MEMO1: variants seen among roughly 807,000 people sequenced by gnomAD.
MEMO1 encodes the protein mediator of cell motility 1, also known as protein MEMO1.
In MEMO1, 6 loss-of-function variants were observed where a neutral mutation model predicts 45.2. The ratio of observed to expected loss-of-function variants is 0.13; its 90% CI spans 0.07 to 0.26. The LOEUF (loss-of-function observed/expected upper bound fraction) is 0.26, where lower values mean the gene tolerates loss of function less well. Ranked by LOEUF, MEMO1 falls within the 10% of genes least tolerant of loss-of-function variation. The pLI is 1.00. For synonymous variants in MEMO1, 78 were observed against 124.3 expected, an observed-to-expected ratio of 0.63 and a Z score of 2.48; for missense variants, 184 against 370.5, an observed-to-expected ratio of 0.50 and a Z score of 4.13.
intron 2 of MEMO1, among the ~76,000 whole-genome samples, chr2:31,960,418 C>T (rs1667881850): frequency 6.6e-6 from 1 of 152,030 alleles, no homozygotes; most frequent in Admixed American, 6.6e-5. Context: ...TCTAAACTAT[C>T]CTGTTTACTG....
At chr2:31,999,236 C>G (rs895013607) in intron 2 of MEMO1, among the ~76,000 whole-genome samples, 2 of 152,142 alleles carry the variant, frequency 1.3e-5, no homozygotes, top group South Asian at 2.1e-4. Context: ...CCTGGTTCTG[C>G]CCTTGCCACT....
intron 9 of MEMO1, among the ~76,000 whole-genome samples, chr2:31,869,529 T>C (rs1222607585): frequency 6.6e-6 from 1 of 152,054 alleles, no homozygotes; most frequent in African/African-American, 2.4e-5. Flanking sequence ...ACCAAAAAAT[T>C]AATAAGACCA....
At chr2:31,893,924 C>A (rs78422323) in intron 6 of MEMO1, among the ~76,000 whole-genome samples, 1,984 of 152,248 alleles carry the variant, frequency 0.013, 31 homozygotes, top group Non-Finnish European at 0.021. Flanking sequence ...CATTTATCCA[C>A]CCCTCTGTCA....
chr2:31,983,455 CAG>C (rs1031879765), intron 2 of MEMO1, among the ~76,000 whole-genome samples: 1 of 152,010 alleles, frequency 6.6e-6, no homozygotes, highest in Non-Finnish European at 1.5e-5. Flanking sequence ...GTTTTTGAGA[CAG>C]AGTTTCGCTC....
intron 6 of MEMO1, among the ~76,000 whole-genome samples, chr2:31,899,640 T>C (rs1027676575): frequency 6.6e-6 from 1 of 152,192 alleles, no homozygotes; most frequent in Non-Finnish European, 1.5e-5. Context: ...TCTTCATGAC[T>C]AAAACACCAA....
At chr2:31,972,288 T>C (rs1479677818) in intron 2 of MEMO1, among the ~76,000 whole-genome samples, 1 of 152,002 alleles carries the variant, frequency 6.6e-6, no homozygotes, top group East Asian at 1.9e-4. Flanking sequence ...CTGAAGCAAG[T>C]GAAACAAAGC....
At chr2:31,987,582 G>A (rs987668012) in intron 2 of MEMO1, among the ~76,000 whole-genome samples, 1 of 152,138 alleles carries the variant, frequency 6.6e-6, no homozygotes, top group African/African-American at 2.4e-5. Flanking sequence ...TTATAATCTA[G>A]TCATATTAGT....
intron 4 of MEMO1, among the ~76,000 whole-genome samples, chr2:31,922,329 A>G (rs972682799): frequency 3.3e-5 from 5 of 151,202 alleles, no homozygotes; most frequent in Non-Finnish European, 7.4e-5. Context: ...GTGGATATTA[A>G]GTTGTTCTGC....
chr2:31,903,008 T>C (rs1303941144), intron 6 of MEMO1, among the ~76,000 whole-genome samples: 1 of 152,178 alleles, frequency 6.6e-6, no homozygotes, highest in Non-Finnish European at 1.5e-5. Flanking sequence ...AAGTGGTTTA[T>C]TAATTTGTGG....
intron 2 of MEMO1, among the ~76,000 whole-genome samples, chr2:31,954,824 A>C (rs1447782719): frequency 6.6e-6 from 1 of 151,844 alleles, no homozygotes; most frequent in Admixed American, 6.6e-5. Flanking sequence ...ATAACAGCGA[A>C]ACTCTGTTTT....
rs181491148 is a variant in MEMO1, at chr2:31,894,654, G to A, written c.438-2520C>T. Among the ~76,000 whole-genome samples the A allele has an allele frequency of 7.9e-5, 12 of 152,280 alleles. No individual in the cohort carries two copies. In the East Asian group the frequency reaches 1.9e-3, roughly 24 times the overall value. Reference sequence around the variant, plus strand: ...GCAGGCTGAGAGACTGGCAGCGTATGCACAGGGGAAGCTGGAAACCTGAGA... The same window carrying A: ...GCAGGCTGAGAGACTGGCAGCGTATACACAGGGGAAGCTGGAAACCTGAGA... On this transcript the variant is annotated intron_variant, in intron 6 of 9. Transcript: ENST00000404530.
intron 6 of MEMO1, among the ~76,000 whole-genome samples, chr2:31,909,770 A>G (rs1406477928): frequency 6.6e-6 from 1 of 152,174 alleles, no homozygotes; most frequent in Non-Finnish European, 1.5e-5. Flanking sequence ...CCTAAAATTT[A>G]TAAAAGGTAT....
intron 4 of MEMO1, among the ~76,000 whole-genome samples, chr2:31,926,511 A>T (rs1683136415): frequency 6.6e-6 from 1 of 152,182 alleles, no homozygotes; most frequent in African/African-American, 2.4e-5. Flanking sequence ...TAGCCTCCAA[A>T]GAATTAATGA....
intron 7 of MEMO1, among the ~76,000 whole-genome samples, chr2:31,890,923 T>A (rs946801388): frequency 6.6e-5 from 10 of 152,146 alleles, no homozygotes; most frequent in African/African-American, 2.4e-4. Context: ...AAGTACCTTA[T>A]GCAAAAAACT....
intron 2 of MEMO1, among the ~76,000 whole-genome samples, chr2:32,000,447 GTCTCGA>G (rs1673149040): frequency 6.6e-6 from 1 of 151,572 alleles, no homozygotes; most frequent in Admixed American, 6.6e-5. Flanking sequence ...AGCCAGGATG[GTCTCGA>G]TCTCCTGACC....
intron 2 of MEMO1, among the ~76,000 whole-genome samples, chr2:31,965,920 G>A (rs1397097519): frequency 1.3e-5 from 2 of 152,048 alleles, no homozygotes; most frequent in Admixed American, 6.6e-5. Context: ...CATGGCATAC[G>A]TTTACAACAA....
At chr2:31,953,147 T>C (rs2148369593) in intron 2 of MEMO1, among the ~76,000 whole-genome samples, 1 of 152,176 alleles carries the variant, frequency 6.6e-6, no homozygotes, top group South Asian at 2.1e-4. Flanking sequence ...AGTGGGCGGA[T>C]CATGAGGTCA....
chr2:31,934,671 G>C (rs984436581), intron 3 of MEMO1, among the ~76,000 whole-genome samples: 1 of 152,158 alleles, frequency 6.6e-6, no homozygotes, highest in Non-Finnish European at 1.5e-5. Context: ...TGATAAGCCA[G>C]AGTCAGGTAA....
At chr2:31,892,653 C>T (rs879310425) in intron 6 of MEMO1, among the ~76,000 whole-genome samples, 1 of 152,180 alleles carries the variant, frequency 6.6e-6, no homozygotes, top group Non-Finnish European at 1.5e-5. Flanking sequence ...GTTTTATCAA[C>T]TGCACTTTTA....
Sources: allele counts gnomAD v4.1 joint callset (sites outside exome capture counted in the v4.1 genomes callset), GRCh38; gene constraint gnomAD v4.1.1; transcripts MANE v1.5; gene names NCBI Gene and HGNC (gene_info 2026-07-23, HGNC 2026-07-21).